Variants in TLCD5 observed in about 807,000 individuals in gnomAD.
The protein encoded by TLCD5 is TLC domain containing 5, also known as TLC domain-containing protein 5.
Under a neutral mutation model 20.5 loss-of-function variants are expected in TLCD5, and 15 were observed. The ratio of observed to expected loss-of-function variants is 0.73; its 90% CI spans 0.49 to 1.13. The LOEUF (loss-of-function observed/expected upper bound fraction) is 1.13, where lower values mean the gene tolerates loss of function less well. Among genes scored for constraint, TLCD5 ranks in the 50% most tolerant of loss-of-function variants. The pLI, the probability that TLCD5 is intolerant of heterozygous loss-of-function variation, is 0.00. For missense variants in TLCD5, 289 were observed against 305.6 expected, an observed-to-expected ratio of 0.95 and a Z score of 0.41; for synonymous variants, 107 against 114.7, an observed-to-expected ratio of 0.93 and a Z score of 0.43.
In TLCD5 at chr11:120,330,898, C is replaced by G. The variant is rs1212108868; in HGVS notation, c.*383C>G. On this transcript the variant is annotated 3_prime_UTR_variant, in exon 3 of 3. Coordinates refer to ENST00000375095, the MANE Select transcript of TLCD5 (RefSeq NM_001198671.2). ...TTGTTCCTTTGAGAAGTAACTCTTTCAATAAACACTTATTTCTGCTTTCCA... is the reference window on the plus strand; with the variant it reads ...TTGTTCCTTTGAGAAGTAACTCTTTGAATAAACACTTATTTCTGCTTTCCA... 1 of 163,822 alleles carries G rather than the reference C, an allele frequency of 6.1e-6. No individual in the cohort carries two copies. The highest frequency in any genetic ancestry group is 2.4e-5 in the African/African-American group (1 of 41,866). 10.1% of individuals were successfully genotyped at this position (163,822 alleles called of 1,614,324 possible). A position where few individuals can be genotyped will look rare whatever the true frequency, so the allele number is the denominator to read the frequency against.
chr11:120,330,097 C>T lies in TLCD5; in HGVS notation c.320C>T (p.Thr107Ile), dbSNP rs759018417. 7.4e-6 allele frequency: 12 copies of T among 1,614,152 alleles called. No individual in the cohort carries two copies. The Admixed American group carries it at 1.3e-4, about 18-fold the overall frequency. ...SEGALMLAHH[T>I]LSILGIIMAL... Reference sequence around the variant, plus strand: ...GGTGCCTTGATGCTGGCTCATCACACATTGAGTATCTTGGGCATTATCATG... The same window carrying T: ...GGTGCCTTGATGCTGGCTCATCACATATTGAGTATCTTGGGCATTATCATG... The change falls in exon 3 of 3, where the codon ACA becomes ATA. Residue 107 changes from threonine (T) to isoleucine (I), a missense_variant. Coordinates refer to ENST00000375095, the MANE Select transcript of TLCD5 (RefSeq NM_001198671.2).
At chr11:120,328,773 T>TGTGTGTGCGC (rs1388398001) in intron 2 of TLCD5, among the ~76,000 whole-genome samples, 4 of 65,530 alleles carry the variant, frequency 6.1e-5, no homozygotes, top group African/African-American at 1.5e-4. Flanking sequence ...TGTGTGTGTG[T>TGTGTGTGCGC]GTGTGCGCGT....
In TLCD5 at chr11:120,333,570, G is replaced by A. The variant is rs1281438292; in HGVS notation, c.*3055G>A. 3 of 152,140 alleles carry A rather than the reference G, an allele frequency of 2.0e-5. No individual in the cohort carries two copies. The highest frequency in any genetic ancestry group is 4.8e-5 in the African/African-American group (2 of 41,420). 9.4% of individuals were successfully genotyped at this position (152,140 alleles called of 1,614,324 possible). A position where few individuals can be genotyped will look rare whatever the true frequency, so the allele number is the denominator to read the frequency against. ...GTGTGGTATACTTGGACAAAATGAA[G>A]TACTCATTTGCACTGGATTACTGTG... On this transcript the variant is annotated 3_prime_UTR_variant, in exon 3 of 3. Coordinates refer to ENST00000375095, the MANE Select transcript of TLCD5 (RefSeq NM_001198671.2). This position sits in a 1 kb window ranked among gnomAD's most constrained non-coding sequence, Gnocchi z 4.5.
Position 120,330,843 on chromosome 11 carries a change from A to C in TLCD5, c.*328A>C. 4.7e-6 allele frequency: 1 copy of C among 211,112 alleles called. No individual in the cohort carries two copies. Among genetic ancestry groups the C allele is most frequent in the Non-Finnish European group, 9.4e-6 (1 of 106,476 alleles). 13.1% of individuals were successfully genotyped at this position (211,112 alleles called of 1,614,324 possible). A position where few individuals can be genotyped will look rare whatever the true frequency, so the allele number is the denominator to read the frequency against. On this transcript the variant is annotated 3_prime_UTR_variant, in exon 3 of 3. Transcript: ENST00000375095. Reference sequence around the variant, plus strand: ...AGGTTTGATGTTCAGGCAGTTTAGAAAGGAACTCGAAAAAGATTAGTGCTA... The same window carrying C: ...AGGTTTGATGTTCAGGCAGTTTAGACAGGAACTCGAAAAAGATTAGTGCTA...
At position 120,329,396 on chromosome 11, in the gene TLCD5, G is replaced by A. The variant is rs530901022; in HGVS notation, c.200-581G>A. 1.3e-4 allele frequency among the ~76,000 whole-genome samples: 20 copies of A among 152,156 alleles called. No homozygotes were observed. In the South Asian group the frequency reaches 3.1e-3, roughly 24 times the overall value. On this transcript the variant is annotated intron_variant, in intron 2 of 2. Transcript: ENST00000375095. Reference sequence around the variant, plus strand: ...TCAAACTAATGAAACCAACTGTTACGCTTTGTGTTTTATGTGAAGATTCTA... The same window carrying A: ...TCAAACTAATGAAACCAACTGTTACACTTTGTGTTTTATGTGAAGATTCTA...
chr11:120,330,191 C>G lies in TLCD5; in HGVS notation c.414C>G (p.Pro138=). Residue 138 remains proline (P), a synonymous_variant, in exon 3 of 3, where the codon CCC becomes CCG. Coordinates refer to ENST00000375095, the MANE Select transcript of TLCD5 (RefSeq NM_001198671.2). ...AVLFGSELTN[P]LLQMRWFLRE... ...TCTTTGGAAGTGAGCTTACCAACCC[C>G]TTGCTACAGATGCGCTGGTTTCTCC... is the stretch of plus-strand genomic sequence containing the variant. 1 of 1,577,134 alleles carries G rather than the reference C, an allele frequency of 6.3e-7. No homozygotes were observed. The highest frequency in any genetic ancestry group is 8.6e-7 in the Non-Finnish European group (1 of 1,160,486).
At position 120,333,545 on chromosome 11, in the gene TLCD5, G is replaced by A. The variant is rs950459154; in HGVS notation, c.*3030G>A. The A allele has an allele frequency of 1.3e-5, 2 of 152,212 alleles. No individual in the cohort carries two copies. The highest frequency in any genetic ancestry group is 4.1e-4 in the South Asian group (2 of 4,830). The allele number at this position is 152,212 out of a possible 1,614,324, so 9.4% of individuals were successfully genotyped here. On this transcript the variant is annotated 3_prime_UTR_variant, in exon 3 of 3. Coordinates refer to ENST00000375095, the MANE Select transcript of TLCD5 (RefSeq NM_001198671.2). This position sits in a 1 kb window ranked among gnomAD's most constrained non-coding sequence, Gnocchi z 4.5. ...ACAGGTAAATGAAGGGCTAATTAAT[G>A]TGTGGTATACTTGGACAAAATGAAG...
rs1334496378 is a variant in TLCD5, at chr11:120,327,553, C to CT, written c.113dup (p.Val39GlyfsTer20). The CT allele has an allele frequency of 1.2e-6, 2 of 1,614,076 alleles. No homozygotes were observed. The highest frequency in any genetic ancestry group is 1.7e-6 in the Non-Finnish European group (2 of 1,180,040). On this transcript the variant is annotated frameshift_variant, in exon 2 of 3. Coordinates refer to ENST00000375095, the MANE Select transcript of TLCD5 (RefSeq NM_001198671.2). LOFTEE classifies it high-confidence loss of function. ...CCGAAGCTATGAGTGGAGCTGCCGC[C>CT]TGGTCACCTTCACCCATGGAGTCCT... is the stretch of plus-strand genomic sequence containing the variant.
At chr11:120,327,154 T>G (rs1942019186) in intron 1 of TLCD5, 1 of 574,370 alleles carries the variant, frequency 1.7e-6, no homozygotes, top group South Asian at 2.1e-5. Flanking sequence ...TTATTGACAT[T>G]TACTCATCAT....
At chr11:120,325,670 C>G (rs777573394) in intron 1 of TLCD5, among the ~76,000 whole-genome samples, 14 of 152,200 alleles carry the variant, frequency 9.2e-5, no homozygotes, top group African/African-American at 1.2e-4. Flanking sequence ...CACGCCTGCT[C>G]CAAGGCTCCT....
intron 2 of TLCD5, among the ~76,000 whole-genome samples, chr11:120,328,709 A>T (rs369327728): frequency 6.1e-5 from 2 of 32,670 alleles, no homozygotes; most frequent in African/African-American, 1.4e-4. Flanking sequence ...GTGTGTGTGT[A>T]TGTTTATGTA....
rs1448364955 is a variant in TLCD5, at chr11:120,332,510, A to G, written c.*1995A>G. 1 of 152,260 alleles carries G rather than the reference A, an allele frequency of 6.6e-6. No homozygotes were observed. Among genetic ancestry groups the G allele is most frequent in the South Asian group, 2.1e-4 (1 of 4,806 alleles). 9.4% of individuals were successfully genotyped at this position (152,260 alleles called of 1,614,324 possible). On this transcript the variant is annotated 3_prime_UTR_variant, in exon 3 of 3. Transcript: ENST00000375095. This position sits in a 1 kb window ranked among gnomAD's most constrained non-coding sequence, Gnocchi z 4.2. The stretch of plus-strand genomic sequence containing the variant: ...TGGCCACTGGTAATCTAACGTAATG[A>G]ATGGTGTCTTTTGTTGTTGTTGTTG...
chr11:120,327,964 C>T (rs1299081512), intron 2 of TLCD5, among the ~76,000 whole-genome samples: 1 of 152,164 alleles, frequency 6.6e-6, no homozygotes, highest in Non-Finnish European at 1.5e-5. Flanking sequence ...ATATTTTTGG[C>T]AACTTGCAAC....
intron 1 of TLCD5, among the ~76,000 whole-genome samples, chr11:120,326,580 TAAC>T (rs1012530604): frequency 1.4e-4 from 22 of 152,388 alleles, no homozygotes; most frequent in African/African-American, 5.0e-4. Context: ...TACTAACTAA[TAAC>T]AACATCTTGC....
Position 120,331,218 on chromosome 11 carries a change from C to G in TLCD5, c.*703C>G, listed in dbSNP as rs1220579033. ...TTTGATTTATTATAGTGAAAAGATA[C>G]AAAGAAAAATCGGTAAAAGGAAAAG... On this transcript the variant is annotated 3_prime_UTR_variant, in exon 3 of 3. Coordinates refer to ENST00000375095, the MANE Select transcript of TLCD5 (RefSeq NM_001198671.2). This position sits in a 1 kb window ranked among gnomAD's most constrained non-coding sequence, Gnocchi z 4.5. The G allele has an allele frequency of 6.6e-6, 1 of 152,098 alleles. No individual in the cohort carries two copies. Among genetic ancestry groups the G allele is most frequent in the East Asian group, 1.9e-4 (1 of 5,196 alleles). The allele number at this position is 152,098 out of a possible 1,614,324, so 9.4% of individuals were successfully genotyped here. A position where few individuals can be genotyped will look rare whatever the true frequency, so the allele number is the denominator to read the frequency against.
chr11:120,327,418 T>C (rs756787821), intron 1 of TLCD5, 23 bp from the exon 2 acceptor site: 2 of 1,614,218 alleles, frequency 1.2e-6, no homozygotes, highest in Non-Finnish European at 1.7e-6. Flanking sequence ...TTTGTTTTTC[T>C]GGTTTTGGTC....
In TLCD5 at chr11:120,331,853, G is replaced by A. The variant is rs1163225966; in HGVS notation, c.*1338G>A. ...TTATCATGTGGATTCCACTGTGCTT[G>A]AGATGGCAGTTTAGATTTCAGCTCT... On this transcript the variant is annotated 3_prime_UTR_variant, in exon 3 of 3. Transcript: ENST00000375095. The surrounding 1 kb of genome is among the most constrained non-coding windows in gnomAD (Gnocchi z 4.5). 3.3e-5 allele frequency: 5 copies of A among 152,220 alleles called. No individual in the cohort carries two copies. Among genetic ancestry groups the A allele is most frequent in the African/African-American group, 1.2e-4 (5 of 41,438 alleles). 9.4% of individuals were successfully genotyped at this position (152,220 alleles called of 1,614,324 possible).
chr11:120,327,190 C>T (rs1942020106), intron 1 of TLCD5: 3 of 613,694 alleles, frequency 4.9e-6, no homozygotes, highest in Admixed American at 3.1e-5. Flanking sequence ...CCTACCAGCT[C>T]GGAGTGCAGT....
chr11:120,330,596 C>A lies in TLCD5; in HGVS notation c.*81C>A, dbSNP rs1942132406. 3.4e-6 allele frequency: 5 copies of A among 1,452,260 alleles called. No individual in the cohort carries two copies. Among genetic ancestry groups the A allele is most frequent in the Non-Finnish European group, 4.6e-6 (5 of 1,089,414 alleles). The allele number at this position is 1,452,260 out of a possible 1,614,324, so 90.0% of individuals were successfully genotyped here. On this transcript the variant is annotated 3_prime_UTR_variant, in exon 3 of 3. Coordinates refer to ENST00000375095, the MANE Select transcript of TLCD5 (RefSeq NM_001198671.2). Reference sequence around the variant, plus strand: ...GAAATATGACTGTTACATAATTACACTTATAACAAACTTAGGTTTCAATAA... The same window carrying A: ...GAAATATGACTGTTACATAATTACAATTATAACAAACTTAGGTTTCAATAA...
Sources: allele counts gnomAD v4.1 joint callset (sites outside exome capture counted in the v4.1 genomes callset), GRCh38; gene constraint gnomAD v4.1.1; non-coding constraint Gnocchi (gnomAD v3.1); transcripts MANE v1.5; gene names NCBI Gene and HGNC (gene_info 2026-07-23, HGNC 2026-07-21).